The following HTR2C variants were observed in gnomAD, a reference collection of about 807,000 sequenced individuals.
HTR2C encodes 5-hydroxytryptamine (serotonin) receptor 2C, G protein-coupled.
HTR2C carries 5 observed loss-of-function variants against 21.0 expected under a neutral mutation model. The observed-to-expected ratio is 0.24, with a 90% CI of 0.12 to 0.50. HTR2C has a LOEUF of 0.50. HTR2C is among the 20% of genes least tolerant of loss of function. The pLI, the probability that HTR2C is intolerant of heterozygous loss-of-function variation, is 0.98. For synonymous variants in HTR2C, 150 were observed against 145.3 expected, an observed-to-expected ratio of 1.03 and a Z score of -0.23; for missense variants, 271 against 371.2, an observed-to-expected ratio of 0.73 and a Z score of 2.22.
At chrX:114,791,523 T>G (rs1218912380) in intron 4 of HTR2C, among the ~76,000 whole-genome samples, 1 of 110,938 alleles carries the variant, frequency 9.0e-6, no homozygotes, top group East Asian at 2.8e-4. Flanking sequence ...CACTGGAAAA[T>G]TTCCTCCCAC....
chrX:114,835,438 C>G (rs1215389124), intron 4 of HTR2C, among the ~76,000 whole-genome samples: 2 of 106,162 alleles, frequency 1.9e-5, no homozygotes, highest in African/African-American at 3.4e-5. Context: ...CTTCCCTTCT[C>G]ACTTCATTTC....
intron 2 of HTR2C, among the ~76,000 whole-genome samples, chrX:114,630,203 G>A (rs1389570145): frequency 4.5e-5 from 5 of 111,819 alleles, no homozygotes; most frequent in African/African-American, 1.6e-4. Context: ...ATTTAAAATA[G>A]TCATTCAACA....
intron 2 of HTR2C, among the ~76,000 whole-genome samples, chrX:114,725,069 C>G (rs781963684): frequency 6.3e-5 from 7 of 110,551 alleles, no homozygotes; most frequent in Admixed American, 1.9e-4. Flanking sequence ...GCCTGCCTTG[C>G]TAGATTGGGG....
Position 114,746,299 on chromosome X carries a change from G to A in HTR2C, c.349+14692G>A, listed in dbSNP as rs782538007. On this transcript the variant is annotated intron_variant, in intron 4 of 5. Transcript: ENST00000276198. ...CCAGGATTACCCTGATAATAAAACCGGAGACCTTATAATCAAGAAAATTAG... is the reference window on the plus strand; with the variant it reads ...CCAGGATTACCCTGATAATAAAACCAGAGACCTTATAATCAAGAAAATTAG... Among the ~76,000 whole-genome samples the A allele has an allele frequency of 5.4e-5, 6 of 110,983 alleles. No individual in the cohort carries two copies. The South Asian group carries it at 1.9e-3, about 35-fold the overall frequency.
chrX:114,825,935 A>G (rs1191462112), intron 4 of HTR2C, among the ~76,000 whole-genome samples: 1 of 111,554 alleles, frequency 9.0e-6, no homozygotes, highest in Admixed American at 9.6e-5. Context: ...ATGATCTGCA[A>G]TTTACTTTAT....
At chrX:114,894,072 C>A (rs1389942617) in intron 5 of HTR2C, among the ~76,000 whole-genome samples, 4 of 110,619 alleles carry the variant, frequency 3.6e-5, no homozygotes, top group African/African-American at 1.3e-4. Context: ...ACTTTCATTG[C>A]GGATGGGACT....
chrX:114,673,971 G>A (rs924094039), intron 2 of HTR2C, among the ~76,000 whole-genome samples: 1 of 111,777 alleles, frequency 8.9e-6, no homozygotes, highest in African/African-American at 3.2e-5. Flanking sequence ...GACACTGTCT[G>A]TTTCAAGGCT....
chrX:114,840,730 T>G (rs782614859), intron 4 of HTR2C, among the ~76,000 whole-genome samples: 1 of 111,806 alleles, frequency 8.9e-6, no homozygotes, highest in Non-Finnish European at 1.9e-5. Flanking sequence ...TAAGAAAATT[T>G]TACTATCCAA....
chrX:114,815,597 T>G (rs1476473121), intron 4 of HTR2C, among the ~76,000 whole-genome samples: 1 of 111,579 alleles, frequency 9.0e-6, no homozygotes, highest in African/African-American at 3.2e-5. Context: ...AAAGAATATC[T>G]TGATGACCTC....
At chrX:114,834,570 C>T (rs2070762305) in intron 4 of HTR2C, among the ~76,000 whole-genome samples, 2 of 108,717 alleles carry the variant, frequency 1.8e-5, no homozygotes, top group Non-Finnish European at 1.9e-5. Flanking sequence ...AGATCTTCCT[C>T]CATCCTTTTA....
intron 2 of HTR2C, among the ~76,000 whole-genome samples, chrX:114,665,976 C>T (rs1329529657): frequency 1.8e-5 from 2 of 111,903 alleles, no homozygotes; most frequent in Non-Finnish European, 3.8e-5. Context: ...TTAAAGCCCA[C>T]TTTCTCCATT....
At chrX:114,859,684 A>G (rs782069007) in intron 5 of HTR2C, among the ~76,000 whole-genome samples, 1 of 110,661 alleles carries the variant, frequency 9.0e-6, no homozygotes, top group Non-Finnish European at 1.9e-5. Context: ...TCCATTTTCT[A>G]TGTCATTGAC....
chrX:114,630,442 AATGTC>A (rs1344720126), intron 2 of HTR2C, among the ~76,000 whole-genome samples: 1 of 112,148 alleles, frequency 8.9e-6, no homozygotes, highest in Admixed American at 9.5e-5. Flanking sequence ...TTTAACAACT[AATGTC>A]AGGTAGTGGA....
chrX:114,620,252 A>G (rs1187305752), intron 2 of HTR2C, among the ~76,000 whole-genome samples: 4 of 112,027 alleles, frequency 3.6e-5, no homozygotes, highest in African/African-American at 1.3e-4. Context: ...TATGCCTAAC[A>G]CCATATTTGC....
rs186219329 is a variant in HTR2C at position 114,757,546 on chromosome X, G to A, written c.349+25939G>A. 9.9e-5 allele frequency among the ~76,000 whole-genome samples: 11 copies of A among 111,335 alleles called. No individual in the cohort carries two copies. The East Asian group carries it at 2.5e-3, about 26-fold the overall frequency. On this transcript the variant is annotated intron_variant, in intron 4 of 5. Coordinates refer to ENST00000276198, the MANE Select transcript of HTR2C (RefSeq NM_000868.4). The stretch of plus-strand genomic sequence containing the variant: ...CTGCAGCCAAACAAGTACCCAAATC[G>A]TTCAGGTAAACTAGACACTCTGTGC...
rs183173503 is a variant in HTR2C, at chrX:114,740,620, G to T, written c.349+9013G>T. Among the ~76,000 whole-genome samples, 361 of 111,098 alleles carry T rather than the reference G, an allele frequency of 3.2e-3. 2 individuals are homozygous for T. The East Asian group carries it at 0.041, about 13-fold the overall frequency. ...ATATTACAGACTATCCACAAAATGGGATTTATTTTTTAAAATAAGGAATTT... is the reference window on the plus strand; with the variant it reads ...ATATTACAGACTATCCACAAAATGGTATTTATTTTTTAAAATAAGGAATTT... On this transcript the variant is annotated intron_variant, in intron 4 of 5. Transcript: ENST00000276198.
intron 4 of HTR2C, among the ~76,000 whole-genome samples, chrX:114,739,689 A>G (rs1051168352): frequency 2.0e-4 from 23 of 112,347 alleles, no homozygotes; most frequent in African/African-American, 6.8e-4. Flanking sequence ...AAATAGTTGC[A>G]AAATATATTG....
At chrX:114,636,126 C>T (rs1929836424) in intron 2 of HTR2C, among the ~76,000 whole-genome samples, 1 of 105,592 alleles carries the variant, frequency 9.5e-6, no homozygotes, top group South Asian at 4.5e-4. Flanking sequence ...ATTTGCCCTA[C>T]CTCCCCGATC....
intron 4 of HTR2C, among the ~76,000 whole-genome samples, chrX:114,774,398 T>C (rs782528046): frequency 1.3e-4 from 14 of 111,400 alleles, no homozygotes; most frequent in Non-Finnish European, 2.4e-4. Flanking sequence ...ACATAGACGA[T>C]TGTTTTCATA....
Sources: gnomAD v4.1 joint callset for allele counts (sites outside exome capture counted in the v4.1 genomes callset) on GRCh38, gnomAD v4.1.1 for gene constraint, MANE v1.5 for transcripts, NCBI Gene and HGNC (gene_info 2026-07-23, HGNC 2026-07-21) for gene names.